The following KDM5A variants were observed in gnomAD, a reference collection of about 807,000 sequenced individuals.
KDM5A encodes the protein lysine-specific demethylase 5A.
KDM5A carries 42 observed loss-of-function variants against 193.5 expected under a neutral mutation model. The ratio of observed to expected loss-of-function variants is 0.22; its 90% CI spans 0.17 to 0.28. The LOEUF is 0.28. Among genes scored for constraint, KDM5A ranks in the 10% least tolerant of loss-of-function variants. The pLI is 1.00. For synonymous variants in KDM5A, 796 were observed against 718.1 expected (o/e 1.11, Z -1.73); for missense variants, 1,692 against 2,055.1 (o/e 0.82, Z 3.42).
At chr12:372,897 T>C (rs1370572245) in intron 3 of KDM5A, among the ~76,000 whole-genome samples, 5 of 152,234 alleles carry the variant, frequency 3.3e-5, no homozygotes, top group Non-Finnish European at 7.3e-5. Context: ...ATTACGTTTA[T>C]TGATTTGCGT....
intron 13 of KDM5A, among the ~76,000 whole-genome samples, chr12:331,411 A>G (rs983448266): frequency 2.8e-4 from 42 of 152,238 alleles, no homozygotes; most frequent in Admixed American, 6.5e-4. Context: ...AGGATTCAGA[A>G]AGAATCGACT....
chr12:388,938 G>A lies in KDM5A; in HGVS notation c.154C>T (p.Arg52Trp), dbSNP rs2137507566. 1 of 1,614,232 alleles carries A rather than the reference G, an allele frequency of 6.2e-7. No individual in the cohort carries two copies. The highest frequency in any genetic ancestry group is 8.5e-7 in the Non-Finnish European group (1 of 1,180,050). The change falls in exon 1 of 28, where the codon CGG (arginine) becomes TGG (tryptophan). Residue 52 changes from arginine to tryptophan, a missense_variant. Arg to Trp is a moderately radical substitution (Grantham distance 101, BLOSUM62 -3). This residue lies in a region of KDM5A where 120 missense variants were observed against 172.0 expected (regional missense o/e 0.70). Transcript: ENST00000399788. ...LAEKTGICKI[R>W]PPKDWQPPFA... is the part of the protein sequence containing the mutation. Reference sequence around the variant, plus strand: ...ACAGACTGAGGTACCTTGGGCGGCCGAATTTTGCAGATGCCGGTTTTCTCC... The same window carrying A: ...ACAGACTGAGGTACCTTGGGCGGCCAAATTTTGCAGATGCCGGTTTTCTCC...
chr12:328,039 G>C (rs895203534), intron 14 of KDM5A, among the ~76,000 whole-genome samples: 1 of 152,064 alleles, frequency 6.6e-6, no homozygotes, highest in Non-Finnish European at 1.5e-5. Flanking sequence ...AGAGCAAGAA[G>C]GAAGGACCAT....
chr12:316,954 CTA>C (rs1479759533), intron 19 of KDM5A, among the ~76,000 whole-genome samples: 1 of 152,158 alleles, frequency 6.6e-6, no homozygotes, highest in Admixed American at 6.5e-5. Context: ...CACTCAGTAA[CTA>C]TGTGATCTCT....
intron 1 of KDM5A, 70 bp downstream of exon 1, chr12:388,857 T>A: frequency 6.6e-7 from 1 of 1,525,716 alleles, no homozygotes; most frequent in Non-Finnish European, 9.1e-7. Flanking sequence ...ATCAGAAAAG[T>A]AAAGCTAAAC....
chr12:356,446 G>C lies in KDM5A; in HGVS notation c.764C>G (p.Thr255Arg). Reference sequence around the variant, plus strand: ...ACAAATTTTACCTTCTTTATCTTTTGTTCCCATTGCCAAGCCCACAACCTT... The same window carrying C: ...ACAAATTTTACCTTCTTTATCTTTTCTTCCCATTGCCAAGCCCACAACCTT... ...GPKVVGLAMG[T>R]KDKEDEVTRR... is the part of the protein sequence containing the mutation. Residue 255 changes from threonine (T) to arginine (R), a missense_variant, in exon 6 of 28, where the codon ACA (threonine) becomes AGA (arginine). Physicochemically the swap from Thr to Arg is moderately conservative, Grantham distance 71. Transcript: ENST00000399788. The C allele has an allele frequency of 6.2e-7, 1 of 1,604,806 alleles. No individual in the cohort carries two copies.
At chr12:371,795 G>T (rs9669094) in intron 3 of KDM5A, among the ~76,000 whole-genome samples, 95,892 of 151,992 alleles carry the variant, frequency 0.63, 31,251 homozygotes, top group Middle Eastern at 0.73. Context: ...TGTAAGGAAG[G>T]GATCCAGTTT....
rs554336209 is a variant in KDM5A, at chr12:389,187, C to A, written c.-96G>T. On this transcript the variant is annotated 5_prime_UTR_variant, in exon 1 of 28. Transcript: ENST00000399788. ...GCCCGTTCAAGTCCCCTGACAGAGG[C>A]CGAAGCGCATCTTCGCGGACAAGAA... is the stretch of plus-strand genomic sequence containing the variant. 1 of 1,152,524 alleles carries A rather than the reference C, an allele frequency of 8.7e-7. No homozygotes were observed. Among genetic ancestry groups the A allele is most frequent in the Admixed American group, 1.7e-5 (1 of 59,050 alleles). The allele number at this position is 1,152,524 out of a possible 1,614,324, so 71.4% of individuals were successfully genotyped here.
At chr12:324,383 G>A (rs1943758320) in intron 14 of KDM5A, among the ~76,000 whole-genome samples, 3 of 152,086 alleles carry the variant, frequency 2.0e-5, no homozygotes, top group Non-Finnish European at 4.4e-5. Context: ...GCATTTTGGG[G>A]GTGGCCGGCT....
Position 307,167 on chromosome 12 carries a change from C to T in KDM5A, c.3931-78G>A. The T allele has an allele frequency of 6.5e-7, 1 of 1,544,326 alleles. No homozygotes were observed. Among genetic ancestry groups the T allele is most frequent in the Non-Finnish European group, 8.9e-7 (1 of 1,120,310 alleles). ...GTAATTAATGTGTGCTTAAGATCACCAAAATGTAATGAATAAGCAAAGTGG... is the reference window on the plus strand; with the variant it reads ...GTAATTAATGTGTGCTTAAGATCACTAAAATGTAATGAATAAGCAAAGTGG... On this transcript the variant is annotated intron_variant, in intron 23 of 27. Transcript: ENST00000399788. The surrounding 1 kb of genome is among the most constrained non-coding windows in gnomAD (Gnocchi z 4.3).
chr12:387,196 C>T (rs995978386), intron 1 of KDM5A: 1 of 337,308 alleles, frequency 3.0e-6, no homozygotes, highest in African/African-American at 2.4e-5. Flanking sequence ...AACAGAATAA[C>T]AGTAAACCTA....
chr12:338,674 T>TTGTA (rs1943963259), intron 10 of KDM5A, among the ~76,000 whole-genome samples: 1 of 152,148 alleles, frequency 6.6e-6, no homozygotes, highest in Non-Finnish European at 1.5e-5. Flanking sequence ...CAGTATCATC[T>TTGTA]CAACATGTGA....
At chr12:355,285 C>G (rs1158495913) in intron 6 of KDM5A, 36 bp from the exon 7 acceptor site, 3 of 1,167,322 alleles carry the variant, frequency 2.6e-6, no homozygotes, top group Non-Finnish European at 3.9e-6. Context: ...TAGTAAAAAC[C>G]AATGTTGAGA....
At position 292,991 on chromosome 12, in the gene KDM5A, G is replaced by A. The variant is rs1346692091; in HGVS notation, c.4634C>T (p.Ser1545Leu). 6.2e-7 allele frequency: 1 copy of A among 1,608,186 alleles called. No homozygotes were observed. Among genetic ancestry groups the A allele is most frequent in the South Asian group, 1.1e-5 (1 of 89,760 alleles). The part of the protein sequence containing the change: ...KKKLKLGADK[S>L]KELNKLAKKL... Reference sequence around the variant, plus strand: ...CTTGGCCAGTTTATTCAGCTCCTTTGATTTGTCTGCACCTAATTTTAATTT... The same window carrying A: ...CTTGGCCAGTTTATTCAGCTCCTTTAATTTGTCTGCACCTAATTTTAATTT... The change falls in exon 27 of 28, where the codon TCA (serine) becomes TTA (leucine). Residue 1545 changes from serine (S) to leucine (L), a missense_variant. This residue lies in a region of KDM5A where 965 missense variants were observed against 1,061.0 expected (regional missense o/e 0.91). Coordinates refer to ENST00000399788, the MANE Select transcript of KDM5A (RefSeq NM_001042603.3).
rs1302050610 is a variant in KDM5A, at chr12:384,595, C to G, written c.244-442G>C. 2.6e-5 allele frequency among the ~76,000 whole-genome samples: 4 copies of G among 152,122 alleles called. No individual in the cohort carries two copies. The East Asian group carries it at 7.7e-4, about 29-fold the overall frequency. Reference sequence around the variant, plus strand: ...GCTTATTTCAACCCTGTAAAACTAGCCAATAGTAAAACTAGCCAATAATAA... The same window carrying G: ...GCTTATTTCAACCCTGTAAAACTAGGCAATAGTAAAACTAGCCAATAATAA... On this transcript the variant is annotated intron_variant, in intron 2 of 27. Coordinates refer to ENST00000399788, the MANE Select transcript of KDM5A (RefSeq NM_001042603.3).
chr12:290,555 T>C (rs1428480181), intron 27 of KDM5A, among the ~76,000 whole-genome samples: 1 of 152,170 alleles, frequency 6.6e-6, no homozygotes, highest in East Asian at 1.9e-4. Context: ...ACCTATAATA[T>C]TAGGAGCAAA....
chr12:320,303 C>T lies in KDM5A; in HGVS notation c.2541+692G>A, dbSNP rs550086934. ...CTTGAGGTCAGGAGTTTGAAACCAG[C>T]CTGCTAACATGGCGAAAACCCACCT... is the stretch of plus-strand genomic sequence containing the variant. On this transcript the variant is annotated intron_variant, in intron 18 of 27. Coordinates refer to ENST00000399788, the MANE Select transcript of KDM5A (RefSeq NM_001042603.3). Among the ~76,000 whole-genome samples the T allele has an allele frequency of 1.4e-4, 21 of 152,272 alleles. 1 individual carries two copies. In the East Asian group the frequency reaches 3.9e-3, roughly 28 times the overall value.
At chr12:371,039 A>G (rs1456883149) in intron 3 of KDM5A, among the ~76,000 whole-genome samples, 3 of 151,030 alleles carry the variant, frequency 2.0e-5, no homozygotes, top group Non-Finnish European at 4.4e-5. Context: ...GGTTGGTTCC[A>G]AGTCTTTGCT....
At chr12:373,578 C>T (rs1409483061) in intron 3 of KDM5A, among the ~76,000 whole-genome samples, 1 of 152,124 alleles carries the variant, frequency 6.6e-6, no homozygotes, top group Non-Finnish European at 1.5e-5. Context: ...TCTCTATCTC[C>T]TTCAGTTCTG....
Sources: allele counts gnomAD v4.1 joint callset (sites outside exome capture counted in the v4.1 genomes callset), GRCh38; gene constraint gnomAD v4.1.1; regional missense constraint gnomAD v4.1.1; non-coding constraint Gnocchi (gnomAD v3.1); transcripts MANE v1.5; gene names NCBI Gene and HGNC (gene_info 2026-07-23, HGNC 2026-07-21).